The following GRIN1 variants were observed in gnomAD, a reference collection of about 807,000 sequenced individuals.
The protein encoded by GRIN1 is glutamate receptor ionotropic, NMDA 1.
Under a neutral mutation model 103.0 loss-of-function variants are expected in GRIN1, and 38 were observed. The observed-to-expected ratio is 0.37, with a 90% CI of 0.28 to 0.48. The LOEUF (loss-of-function observed/expected upper bound fraction) is 0.48, where lower values mean the gene tolerates loss of function less well. GRIN1 is among the 20% of genes least tolerant of loss of function. The probability of loss-of-function intolerance (pLI) is 0.98; values close to 1 mark genes in which losing one functional copy is unlikely to be tolerated. For missense variants in GRIN1, 577 were observed against 1,288.9 expected (o/e 0.45, Z 8.46); for synonymous variants, 544 against 532.7 (o/e 1.02, Z -0.29).
intron 19 of GRIN1, 75 bp from the exon 20 acceptor site, chr9:137,167,336 C>A: frequency 8.6e-7 from 1 of 1,158,090 alleles, no homozygotes; most frequent in Non-Finnish European, 1.3e-6. Context: ...GCCAGGGCGG[C>A]ACTGGGCGCT....
At chr9:137,150,039 G>T (rs1213640035) in intron 4 of GRIN1, among the ~76,000 whole-genome samples, 2 of 152,202 alleles carry the variant, frequency 1.3e-5, no homozygotes, top group Admixed American at 1.3e-4. Flanking sequence ...TAGAAGGCAG[G>T]AATCTCCCCA....
chr9:137,163,587 C>T lies in GRIN1; in HGVS notation c.2362C>T (p.Leu788=). ...KSHENGFMED[L]DKTWVRYQEC... ...CCACGAGAATGGCTTCATGGAAGAC[C>T]TGGACAAGACGTGGGTTCGGTATCA... is the stretch of plus-strand genomic sequence containing the variant. Residue 788 remains leucine (L), a synonymous_variant, in exon 17 of 20, where the codon CTG becomes TTG. Coordinates refer to ENST00000371561, the MANE Select transcript of GRIN1 (RefSeq NM_007327.4). 1 of 1,613,300 alleles carries T rather than the reference C, an allele frequency of 6.2e-7. No individual in the cohort carries two copies. The highest frequency in any genetic ancestry group is 8.5e-7 in the Non-Finnish European group (1 of 1,179,598).
intron 3 of GRIN1, chr9:137,148,309 C>A: frequency 1.3e-6 from 1 of 797,228 alleles, no homozygotes; most frequent in Non-Finnish European, 2.0e-6. Context: ...AGCCGCCGAG[C>A]CGCAGGCCCA....
intron 4 of GRIN1, among the ~76,000 whole-genome samples, chr9:137,151,504 C>G (rs1020619189): frequency 6.6e-6 from 1 of 150,906 alleles, no homozygotes; most frequent in African/African-American, 2.4e-5. Flanking sequence ...AAAGCTTCAC[C>G]CAGAGAAATT....
intron 2 of GRIN1, among the ~76,000 whole-genome samples, chr9:137,143,820 A>G (rs1241380015): frequency 6.6e-6 from 1 of 152,184 alleles, no homozygotes; most frequent in Non-Finnish European, 1.5e-5. Context: ...GGACCACAAG[A>G]TCAGCAAGAG....
chr9:137,143,995 G>C (rs901327020), intron 2 of GRIN1, among the ~76,000 whole-genome samples: 7 of 152,230 alleles, frequency 4.6e-5, no homozygotes, highest in Non-Finnish European at 8.8e-5. Context: ...TCTCGCCTGG[G>C]GAGATGAGGC....
rs200904182 is a variant in GRIN1 at position 137,161,047 on chromosome 9, C to A, written c.1198-9C>A. 1 of 1,611,864 alleles carries A rather than the reference C, an allele frequency of 6.2e-7. No homozygotes were observed. Among genetic ancestry groups the A allele is most frequent in the Non-Finnish European group, 8.5e-7 (1 of 1,179,208 alleles). ...GGTGGTCCAGGCTGGGTCTCCCCTT[C>A]CCCCCCAGATTGTGACGATCCACCA... is the stretch of plus-strand genomic sequence containing the variant. On this transcript the variant is annotated splice_polypyrimidine_tract_variant and intron_variant, in intron 8 of 19. Transcript: ENST00000371561.
At chr9:137,143,832 C>A (rs1030113691) in intron 2 of GRIN1, among the ~76,000 whole-genome samples, 6 of 152,204 alleles carry the variant, frequency 3.9e-5, no homozygotes, top group African/African-American at 1.4e-4. Context: ...CAGCAAGAGT[C>A]CACAGGGACA....
At chr9:137,163,497 CAG>C in intron 16 of GRIN1, 60 bp from the exon 17 acceptor site, 11 of 1,358,820 alleles carry the variant, frequency 8.1e-6, no homozygotes, top group Non-Finnish European at 1.2e-5. Context: ...GCCCCGCCCC[CAG>C]CTTGCTCCTT....
At chr9:137,147,453 C>G (rs1019164308) in intron 3 of GRIN1, among the ~76,000 whole-genome samples, 4 of 151,958 alleles carry the variant, frequency 2.6e-5, no homozygotes, top group African/African-American at 9.7e-5. Flanking sequence ...CACATGCACA[C>G]GCACACACAT....
chr9:137,161,220 G>T (rs1274562324), intron 9 of GRIN1, 23 bp downstream of exon 9: 10 of 1,604,598 alleles, frequency 6.2e-6, no homozygotes, highest in Middle Eastern at 1.7e-4. Context: ...GGCAGGGCGC[G>T]GGGCGCGGGG....
At chr9:137,155,827 G>A (rs1181268061) in intron 4 of GRIN1, among the ~76,000 whole-genome samples, 3 of 152,242 alleles carry the variant, frequency 2.0e-5, no homozygotes, top group African/African-American at 7.2e-5. Flanking sequence ...GACCACACAT[G>A]CCTGCAAGGT....
chr9:137,161,518 G>T lies in GRIN1; in HGVS notation c.1467+102G>T, dbSNP rs987698369. ...AGGCGGGGCTTGCAGATGGTGGGGG[G>T]TCCTGGGGTGAGTGGGGCATGGAGT... On this transcript the variant is annotated intron_variant, in intron 10 of 19. Transcript: ENST00000371561. The T allele has an allele frequency of 1.8e-5, 21 of 1,136,314 alleles. No homozygotes were observed. The Admixed American group carries it at 3.6e-4, about 20-fold the overall frequency. The allele number at this position is 1,136,314 out of a possible 1,614,324, so 70.4% of individuals were successfully genotyped here.
At chr9:137,163,051 G>T (rs199799482) in intron 15 of GRIN1, 48 bp downstream of exon 15, 15 of 1,558,588 alleles carry the variant, frequency 9.6e-6, no homozygotes, top group Non-Finnish European at 1.3e-5. Flanking sequence ...GTGCGGGGAG[G>T]GGGAGGGTGG....
At chr9:137,161,537 A>G (rs1245132213) in intron 10 of GRIN1, 121 bp downstream of exon 10, 2 of 700,774 alleles carry the variant, frequency 2.9e-6, no homozygotes, top group African/African-American at 2.1e-5. Flanking sequence ...TGAGTGGGGC[A>G]TGGAGTGAGC....
chr9:137,144,534 A>G (rs1039336207), intron 2 of GRIN1, among the ~76,000 whole-genome samples: 8 of 152,042 alleles, frequency 5.3e-5, no homozygotes, highest in Non-Finnish European at 1.0e-4. Flanking sequence ...GGGCGCCTGT[A>G]GTCTCAGCTA....
intron 18 of GRIN1, 22 bp downstream of exon 18, chr9:137,163,926 G>A: frequency 3.1e-6 from 5 of 1,611,728 alleles, no homozygotes; most frequent in Non-Finnish European, 3.4e-6. Flanking sequence ...CACCCTCCGA[G>A]GCCTGGTGCC....
chr9:137,143,195 C>T (rs945031297), intron 2 of GRIN1, among the ~76,000 whole-genome samples: 1 of 152,254 alleles, frequency 6.6e-6, no homozygotes, highest in African/African-American at 2.4e-5. Flanking sequence ...ATTCCTCCTG[C>T]CCAGAGTCCA....
At chr9:137,141,279 C>T (rs552316947) in intron 1 of GRIN1, among the ~76,000 whole-genome samples, 10 of 152,256 alleles carry the variant, frequency 6.6e-5, no homozygotes, top group African/African-American at 2.2e-4. Context: ...TGGTGTGGAC[C>T]ACCAGCTGCC....
Sources: gnomAD v4.1 joint callset for allele counts (sites outside exome capture counted in the v4.1 genomes callset) on GRCh38, gnomAD v4.1.1 for gene constraint, MANE v1.5 for transcripts, NCBI Gene and HGNC (gene_info 2026-07-23, HGNC 2026-07-21) for gene names.